Variants in NLN observed in about 807,000 individuals in gnomAD.
NLN encodes neurolysin.
In NLN, 64 loss-of-function variants were observed where a neutral mutation model predicts 79.9. That is an observed-to-expected ratio of 0.80 (90% CI 0.65 to 0.99). The LOEUF (loss-of-function observed/expected upper bound fraction) is 0.99, where lower values mean the gene tolerates loss of function less well. Among genes scored for constraint, NLN ranks in the 50% least tolerant of loss-of-function variants. The pLI, the probability that NLN is intolerant of heterozygous loss-of-function variation, is 0.00. For synonymous variants in NLN, 267 were observed against 296.6 expected, an observed-to-expected ratio of 0.90 and a Z score of 1.02; for missense variants, 835 against 858.7, an observed-to-expected ratio of 0.97 and a Z score of 0.34.
At chr5:65,768,849 G>T (rs1759508210) in intron 3 of NLN, among the ~76,000 whole-genome samples, 1 of 152,232 alleles carries the variant, frequency 6.6e-6, no homozygotes, top group South Asian at 2.1e-4. Flanking sequence ...GTCAGATTAA[G>T]AACTGCCCTT....
intron 1 of NLN, among the ~76,000 whole-genome samples, chr5:65,739,563 A>G (rs1049516452): frequency 1.3e-5 from 2 of 152,124 alleles, no homozygotes; most frequent in African/African-American, 2.4e-5. Flanking sequence ...TAGTAGTTCT[A>G]TGTTTAATAT....
chr5:65,736,477 A>G (rs909618288), intron 1 of NLN, among the ~76,000 whole-genome samples: 1 of 152,216 alleles, frequency 6.6e-6, no homozygotes, highest in African/African-American at 2.4e-5. Context: ...ACTTTACCAA[A>G]TAATGCCCAA....
intron 1 of NLN, among the ~76,000 whole-genome samples, chr5:65,725,929 G>A (rs113797482): frequency 0.023 from 3,516 of 152,176 alleles, 63 homozygotes; most frequent in Non-Finnish European, 0.032. Flanking sequence ...TGGCTAACAC[G>A]GTGAAACCCT....
chr5:65,822,911 C>T lies in NLN; in HGVS notation c.2111C>T (p.Pro704Leu), dbSNP rs760859819. Residue 704 changes from proline to leucine, a missense_variant, in exon 13 of 13, where the codon CCG becomes CTG. Physicochemically the swap from Pro to Leu is moderately conservative, Grantham distance 98. Coordinates refer to ENST00000380985, the MANE Select transcript of NLN (RefSeq NM_020726.5). ...CTAATGAGTAGAGGCCTGCATGCTC[C>T]GTGAACTGGGGATCTTTGGTAGCCG... ...AFLMSRGLHA[P>L] 4.3e-6 allele frequency: 7 copies of T among 1,613,276 alleles called. No individual in the cohort carries two copies. The highest frequency in any genetic ancestry group is 1.1e-5 in the South Asian group (1 of 91,022).
chr5:65,757,761 T>A (rs1476784847), intron 1 of NLN, among the ~76,000 whole-genome samples: 2 of 152,164 alleles, frequency 1.3e-5, no homozygotes, highest in African/African-American at 2.4e-5. Flanking sequence ...TCCCAGAGTT[T>A]ATTTTCCAAG....
intron 6 of NLN, 50 bp from the exon 7 acceptor site, chr5:65,785,725 G>A: frequency 6.7e-7 from 1 of 1,483,336 alleles, no homozygotes; most frequent in Non-Finnish European, 9.4e-7. Context: ...TTAGTGCTTT[G>A]GATCAAATTA....
intron 1 of NLN, among the ~76,000 whole-genome samples, chr5:65,745,509 C>G (rs996889063): frequency 1.3e-5 from 2 of 152,192 alleles, no homozygotes; most frequent in Admixed American, 1.3e-4. Flanking sequence ...AGCTACTTCT[C>G]TGTAGCCAGT....
chr5:65,815,733 C>A (rs1009067741), intron 12 of NLN, among the ~76,000 whole-genome samples: 1 of 152,044 alleles, frequency 6.6e-6, no homozygotes, highest in African/African-American at 2.4e-5. Context: ...TTCCCTCCTA[C>A]AATATACTAT....
rs1232580720 is a variant in NLN at position 65,778,919 on chromosome 5, G to C, written c.559-1260G>C. On this transcript the variant is annotated intron_variant, in intron 4 of 12. Transcript: ENST00000380985. ...ATCCTGAATTCCCTTTTAGTCAATGGAATACGAGGCCTGGGTTATCTGAAC... is the reference window on the plus strand; with the variant it reads ...ATCCTGAATTCCCTTTTAGTCAATGCAATACGAGGCCTGGGTTATCTGAAC... 2.0e-5 allele frequency among the ~76,000 whole-genome samples: 3 copies of C among 152,120 alleles called. No individual in the cohort carries two copies. The East Asian group carries it at 5.8e-4, about 29-fold the overall frequency.
intron 3 of NLN, among the ~76,000 whole-genome samples, chr5:65,763,653 T>G (rs1759388035): frequency 1.3e-5 from 2 of 152,178 alleles, no homozygotes; most frequent in Admixed American, 6.5e-5. Context: ...TCATGACACT[T>G]CAGCAATTTT....
At chr5:65,804,827 G>A (rs1295348320) in intron 9 of NLN, among the ~76,000 whole-genome samples, 3 of 152,022 alleles carry the variant, frequency 2.0e-5, no homozygotes, top group African/African-American at 2.4e-5. Flanking sequence ...TACCACACCC[G>A]GACAATTTTT....
At chr5:65,812,120 G>A in intron 11 of NLN, 135 bp from the exon 12 acceptor site, 2 of 717,028 alleles carry the variant, frequency 2.8e-6, no homozygotes, top group East Asian at 5.2e-5. Flanking sequence ...TCAGCCCAAG[G>A]AGTACTAGAG....
chr5:65,726,346 A>G (rs916190743), intron 1 of NLN, among the ~76,000 whole-genome samples: 2 of 152,216 alleles, frequency 1.3e-5, no homozygotes, highest in Non-Finnish European at 2.9e-5. Flanking sequence ...AATGAAATTG[A>G]CATTATTTTT....
At chr5:65,739,266 C>A (rs1432547342) in intron 1 of NLN, among the ~76,000 whole-genome samples, 2 of 151,710 alleles carry the variant, frequency 1.3e-5, no homozygotes, top group East Asian at 3.9e-4. Context: ...TGAGTGAGAT[C>A]ATGCAGTATG....
At chr5:65,808,248 G>A (rs563099013) in intron 9 of NLN, among the ~76,000 whole-genome samples, 4 of 152,184 alleles carry the variant, frequency 2.6e-5, no homozygotes, top group Admixed American at 6.5e-5. Context: ...GTGAGATGGC[G>A]TTGACATCTG....
At chr5:65,758,868 A>G in intron 2 of NLN, 42 bp downstream of exon 2, 2 of 1,557,106 alleles carry the variant, frequency 1.3e-6, no homozygotes, top group Non-Finnish European at 1.8e-6. Flanking sequence ...CACTTTGTGG[A>G]CATCTTAAAT....
intron 7 of NLN, among the ~76,000 whole-genome samples, chr5:65,786,593 A>G (rs751690021): frequency 3.3e-5 from 5 of 152,158 alleles, no homozygotes; most frequent in Non-Finnish European, 7.3e-5. Context: ...ATGGCAGTTC[A>G]TGCCTGTAAT....
intron 9 of NLN, among the ~76,000 whole-genome samples, chr5:65,800,665 TATTTATTTA>T (rs1247645964): frequency 2.5e-5 from 2 of 80,612 alleles, no homozygotes; most frequent in Non-Finnish European, 7.4e-5. Context: ...AAAACTCTCT[TATTTATTTA>T]TTTATTTATT....
chr5:65,786,608 G>A (rs1013259913), intron 7 of NLN, among the ~76,000 whole-genome samples: 10 of 152,236 alleles, frequency 6.6e-5, no homozygotes, highest in African/African-American at 2.4e-4. Flanking sequence ...TGTAATCCCA[G>A]CACTTCGGGA....
Sources: allele counts gnomAD v4.1 joint callset (sites outside exome capture counted in the v4.1 genomes callset), GRCh38; gene constraint gnomAD v4.1.1; transcripts MANE v1.5; gene names NCBI Gene and HGNC (gene_info 2026-07-23, HGNC 2026-07-21).